The following PEBP4 variants were observed in gnomAD, a reference collection of about 807,000 sequenced individuals.
PEBP4 encodes phosphatidylethanolamine-binding protein 4.
Under a neutral mutation model 23.9 loss-of-function variants are expected in PEBP4, and 22 were observed. The observed-to-expected ratio is 0.92, with a 90% CI of 0.66 to 1.31. The LOEUF is 1.31. Ranked by LOEUF, PEBP4 falls within the 40% of genes most tolerant of loss-of-function variation. The probability of loss-of-function intolerance (pLI) is 0.00; values close to 1 mark genes in which losing one functional copy is unlikely to be tolerated. For missense variants in PEBP4, 324 were observed against 281.7 expected (o/e 1.15, Z -1.07); for synonymous variants, 112 against 99.3 (o/e 1.13, Z -0.76).
rs540839459 is a variant in PEBP4 at position 22,817,696 on chromosome 8, G to A, written c.298C>T (p.Pro100Ser). 1.5e-5 allele frequency: 24 copies of A among 1,614,164 alleles called. No individual in the cohort carries two copies. The East Asian group carries it at 4.2e-4, about 28-fold the overall frequency. The change falls in exon 4 of 7, where the codon CCT becomes TCT. Residue 100 changes from proline (P) to serine (S), a missense_variant. By Grantham distance (74) the Pro-to-Ser change is moderately conservative. Transcript: ENST00000256404. ...CTCTGTCTGGGTTCTGCTCTGCTAG[G>A]GGCATCTGGATCCACCATCACCAGG... ...YILVMVDPDAPSRAEPRQRFW... is the reference protein window; with the variant it reads ...YILVMVDPDASSRAEPRQRFW...
At chr8:22,858,190 T>G (rs189993692) in intron 3 of PEBP4, among the ~76,000 whole-genome samples, 1 of 152,302 alleles carries the variant, frequency 6.6e-6, no homozygotes, top group East Asian at 1.9e-4. Flanking sequence ...AGTGTGGGTG[T>G]TGAAATGGTG....
At chr8:22,794,527 T>A (rs1006760009) in intron 4 of PEBP4, among the ~76,000 whole-genome samples, 1 of 152,204 alleles carries the variant, frequency 6.6e-6, no homozygotes, top group Non-Finnish European at 1.5e-5. Context: ...TCAAGTAATA[T>A]GCCCGCCTCA....
intron 3 of PEBP4, among the ~76,000 whole-genome samples, chr8:22,893,288 G>C (rs750280639): frequency 1.3e-5 from 2 of 152,144 alleles, no homozygotes; most frequent in Non-Finnish European, 2.9e-5. Context: ...GTTTGAGAAG[G>C]ATCAGACTGC....
intron 4 of PEBP4, among the ~76,000 whole-genome samples, chr8:22,813,427 C>T (rs1332445513): frequency 1.3e-5 from 2 of 152,126 alleles, no homozygotes; most frequent in Non-Finnish European, 2.9e-5. Flanking sequence ...TCATGATATT[C>T]TTTGTGGAAA....
At chr8:22,856,312 A>C (rs1585308969) in intron 3 of PEBP4, among the ~76,000 whole-genome samples, 1 of 152,328 alleles carries the variant, frequency 6.6e-6, no homozygotes, top group East Asian at 1.9e-4. Flanking sequence ...TACTTGTCAA[A>C]TTGGTAATTA....
chr8:22,726,168 C>CTGTGTG lies in PEBP4; in HGVS notation c.403+1001_403+1006dup, dbSNP rs1195379591. Among the ~76,000 whole-genome samples the CTGTGTG allele has an allele frequency of 3.3e-5, 5 of 152,090 alleles. No individual in the cohort carries two copies. In the South Asian group the frequency reaches 1.0e-3, roughly 32 times the overall value. On this transcript the variant is annotated intron_variant, in intron 5 of 6. Coordinates refer to ENST00000256404, the MANE Select transcript of PEBP4 (RefSeq NM_144962.3). ...ACGCCCCGATGCTGTTTTGGAGGGC[C>CTGTGTG]TGTGTGTGTGTAAATGCAGGTAAAG...
At chr8:22,723,507 G>C (rs1338749387) in intron 6 of PEBP4, among the ~76,000 whole-genome samples, 1 of 152,222 alleles carries the variant, frequency 6.6e-6, no homozygotes, top group African/African-American at 2.4e-5. Context: ...TCATGGTGGG[G>C]CTCAGAGGCA....
intron 2 of PEBP4, among the ~76,000 whole-genome samples, chr8:22,923,600 G>T (rs1809257282): frequency 6.6e-6 from 1 of 152,046 alleles, no homozygotes; most frequent in African/African-American, 2.4e-5. Flanking sequence ...TCTCAGCTGT[G>T]CCTGTATGAA....
intron 2 of PEBP4, chr8:22,925,052 G>C: frequency 5.1e-6 from 5 of 985,378 alleles, no homozygotes; most frequent in Non-Finnish European, 6.0e-6. Context: ...TGGGGATCTT[G>C]AGGAGGGGTC....
At chr8:22,896,607 A>G (rs1435079278) in intron 3 of PEBP4, among the ~76,000 whole-genome samples, 2 of 152,216 alleles carry the variant, frequency 1.3e-5, no homozygotes. Context: ...TTACCCCAGC[A>G]GTCCTTGGCC....
At chr8:22,808,924 T>C (rs1346851886) in intron 4 of PEBP4, among the ~76,000 whole-genome samples, 2 of 152,246 alleles carry the variant, frequency 1.3e-5, no homozygotes, top group African/African-American at 4.8e-5. Flanking sequence ...TCAATCCTAA[T>C]GGCTACCTGT....
intron 4 of PEBP4, among the ~76,000 whole-genome samples, chr8:22,815,508 A>T (rs1806720645): frequency 6.6e-6 from 1 of 152,194 alleles, no homozygotes; most frequent in Non-Finnish European, 1.5e-5. Flanking sequence ...CTGAGACCTA[A>T]ATGAATTTGG....
At chr8:22,923,450 C>A (rs1434183482) in intron 2 of PEBP4, among the ~76,000 whole-genome samples, 1 of 152,072 alleles carries the variant, frequency 6.6e-6, no homozygotes, top group East Asian at 1.9e-4. Context: ...CATCTGTAGT[C>A]CAGCTATATG....
chr8:22,878,237 G>GGAGGGGGAGAGGGAGGGGGA (rs1808169225), intron 3 of PEBP4: 1 of 124,852 alleles, frequency 8.0e-6, no homozygotes, highest in Non-Finnish European at 1.8e-5. Context: ...AGGGAGGGAG[G>GGAGGGGGAGAGGGAGGGGGA]GAGGGAGGGA....
chr8:22,832,067 G>A (rs1188231014), intron 3 of PEBP4, among the ~76,000 whole-genome samples: 1 of 152,192 alleles, frequency 6.6e-6, no homozygotes, highest in Non-Finnish European at 1.5e-5. Context: ...GCACGATAAA[G>A]GCCAGTGGGG....
At chr8:22,824,636 G>C (rs1388312807) in intron 3 of PEBP4, among the ~76,000 whole-genome samples, 4 of 152,136 alleles carry the variant, frequency 2.6e-5, no homozygotes, top group Non-Finnish European at 4.4e-5. Context: ...CCCTGAGCTT[G>C]TTTTCCTGCA....
At chr8:22,741,651 G>T (rs1318733370) in intron 4 of PEBP4, among the ~76,000 whole-genome samples, 2 of 152,154 alleles carry the variant, frequency 1.3e-5, no homozygotes, top group Non-Finnish European at 2.9e-5. Flanking sequence ...CCATCAGTGG[G>T]TGGCTGTCTG....
chr8:22,904,156 A>T (rs1204392123), intron 3 of PEBP4, among the ~76,000 whole-genome samples: 3 of 152,234 alleles, frequency 2.0e-5, no homozygotes, highest in African/African-American at 7.2e-5. Context: ...CCTTGCTTAG[A>T]GAAGCAGCAG....
At chr8:22,741,040 A>G (rs771086975) in intron 4 of PEBP4, among the ~76,000 whole-genome samples, 1 of 152,134 alleles carries the variant, frequency 6.6e-6, no homozygotes, top group Non-Finnish European at 1.5e-5. Flanking sequence ...GAAGAGACAG[A>G]TGGGATGGAA....
Sources: allele counts gnomAD v4.1 joint callset (sites outside exome capture counted in the v4.1 genomes callset), GRCh38; gene constraint gnomAD v4.1.1; transcripts MANE v1.5; gene names NCBI Gene and HGNC (gene_info 2026-07-23, HGNC 2026-07-21).